SLC44A1: variants seen among roughly 807,000 people sequenced by gnomAD.
The protein encoded by SLC44A1 is solute carrier family 44 member 1.
SLC44A1 carries 26 observed loss-of-function variants against 79.3 expected under a neutral mutation model. The ratio of observed to expected loss-of-function variants is 0.33; its 90% CI spans 0.24 to 0.46. SLC44A1 has a LOEUF of 0.46. SLC44A1 is among the 20% of genes least tolerant of loss of function. SLC44A1 has a pLI of 1.00. For synonymous variants in SLC44A1, 263 were observed against 286.2 expected (o/e 0.92, Z 0.82); for missense variants, 688 against 798.1 (o/e 0.86, Z 1.66).
intron 1 of SLC44A1, among the ~76,000 whole-genome samples, chr9:105,257,164 T>C (rs1014620227): frequency 6.6e-6 from 1 of 151,782 alleles, no homozygotes; most frequent in Non-Finnish European, 1.5e-5. Context: ...TGGCATGATC[T>C]CAGCTCACTG....
In SLC44A1 at chr9:105,279,616, G is replaced by A. The variant is rs902940040; in HGVS notation, c.37-19604G>A. On this transcript the variant is annotated intron_variant, in intron 1 of 15. Transcript: ENST00000374720. ...CAGGCGTGAGCCACTGCGCCTGGCCGAGAAAACTGTATCTTTAATAAGATC... is the reference window on the plus strand; with the variant it reads ...CAGGCGTGAGCCACTGCGCCTGGCCAAGAAAACTGTATCTTTAATAAGATC... Among the ~76,000 whole-genome samples the A allele has an allele frequency of 1.2e-4, 19 of 152,006 alleles. 1 individual carries two copies. Among genetic ancestry groups the A allele is most frequent in the Non-Finnish European group, 2.2e-4 (15 of 67,996 alleles).
At position 105,396,389 on chromosome 9, in the gene SLC44A1, C is replaced by CA; in HGVS notation, c.*7339dup. On this transcript the variant is annotated 3_prime_UTR_variant, in exon 16 of 16. Transcript: ENST00000374720. ...GCATCAAGCAAAATGACAGGGGCTT[C>CA]AAAAAACAACCAAAGACAAAACCCT... 1.0e-6 allele frequency: 1 copy of CA among 985,346 alleles called. No homozygotes were observed. The highest frequency in any genetic ancestry group is 1.2e-6 in the Non-Finnish European group (1 of 829,908). 61.0% of individuals were successfully genotyped at this position (985,346 alleles called of 1,614,324 possible).
intron 15 of SLC44A1, chr9:105,386,382 T>C (rs572571303): frequency 1.0e-6 from 1 of 972,430 alleles, no homozygotes; most frequent in African/African-American, 1.8e-5. Flanking sequence ...CCTTAAATAA[T>C]TTTAAACAAT....
intron 15 of SLC44A1, among the ~76,000 whole-genome samples, chr9:105,420,245 A>G (rs1472289198): frequency 2.0e-5 from 3 of 152,206 alleles, no homozygotes; most frequent in Admixed American, 6.5e-5. Flanking sequence ...AAAGAGGCCA[A>G]ATGTCCTATT....
chr9:105,392,754 A>C lies in SLC44A1; in HGVS notation c.*3698A>C. 1 of 985,418 alleles carries C rather than the reference A, an allele frequency of 1.0e-6. No homozygotes were observed. The highest frequency in any genetic ancestry group is 4.7e-5 in the South Asian group (1 of 21,290). 61.0% of individuals were successfully genotyped at this position (985,418 alleles called of 1,614,324 possible). A position where few individuals can be genotyped will look rare whatever the true frequency, so the allele number is the denominator to read the frequency against. On this transcript the variant is annotated 3_prime_UTR_variant, in exon 16 of 16. Coordinates refer to ENST00000374720, the MANE Select transcript of SLC44A1 (RefSeq NM_080546.5). ...TAAGAGATCTCCTAGCCTGCAAGGT[A>C]GAATTCTGGGATCAGTTCCAAAACC...
Position 105,390,897 on chromosome 9 carries a change from G to C in SLC44A1, c.*1841G>C. The stretch of plus-strand genomic sequence containing the variant: ...TCCAGAAGTTAACATCTAATATCTA[G>C]TATCACCAAACAGTATCGCTGTTCT... On this transcript the variant is annotated 3_prime_UTR_variant, in exon 16 of 16. Coordinates refer to ENST00000374720, the MANE Select transcript of SLC44A1 (RefSeq NM_080546.5). The C allele has an allele frequency of 1.0e-6, 1 of 982,796 alleles. No individual in the cohort carries two copies. The highest frequency in any genetic ancestry group is 1.1e-4 in the East Asian group (1 of 8,804). The allele number at this position is 982,796 out of a possible 1,614,324, so 60.9% of individuals were successfully genotyped here.
chr9:105,302,674 T>TAAA (rs57862025), intron 2 of SLC44A1, among the ~76,000 whole-genome samples: 1 of 132,510 alleles, frequency 7.5e-6, no homozygotes, highest in Admixed American at 7.7e-5. Context: ...GGATCTTTTC[T>TAAA]AAAAAAAAAA....
Position 105,389,528 on chromosome 9 carries a change from C to T in SLC44A1, c.*472C>T. The T allele has an allele frequency of 9.4e-7, 1 of 1,063,370 alleles. No individual in the cohort carries two copies. The highest frequency in any genetic ancestry group is 4.3e-5 in the South Asian group (1 of 23,304). 65.9% of individuals were successfully genotyped at this position (1,063,370 alleles called of 1,614,324 possible). Reference sequence around the variant, plus strand: ...TAAGTCCTAGTGGGTCAAGACTAGGCATATGCTTTCAGATAAATAAGGAAT... The same window carrying T: ...TAAGTCCTAGTGGGTCAAGACTAGGTATATGCTTTCAGATAAATAAGGAAT... On this transcript the variant is annotated 3_prime_UTR_variant, in exon 16 of 16. Coordinates refer to ENST00000374720, the MANE Select transcript of SLC44A1 (RefSeq NM_080546.5).
At chr9:105,249,100 C>T (rs1422653684) in intron 1 of SLC44A1, among the ~76,000 whole-genome samples, 1 of 152,200 alleles carries the variant, frequency 6.6e-6, no homozygotes, top group East Asian at 1.9e-4. Context: ...TCCACTGTCT[C>T]ATCCCATTGT....
chr9:105,386,398 C>T, intron 15 of SLC44A1: 1 of 977,544 alleles, frequency 1.0e-6, no homozygotes, highest in Non-Finnish European at 1.2e-6. Flanking sequence ...ACAATGTGTC[C>T]CCTGACTGCA....
intron 15 of SLC44A1, among the ~76,000 whole-genome samples, chr9:105,416,657 C>T (rs760762813): frequency 9.9e-5 from 15 of 152,136 alleles, no homozygotes; most frequent in Non-Finnish European, 1.9e-4. Flanking sequence ...AAGCAGTAAC[C>T]TCCAAATAAT....
chr9:105,331,630 T>G (rs1372314002), intron 3 of SLC44A1, among the ~76,000 whole-genome samples: 1 of 152,228 alleles, frequency 6.6e-6, no homozygotes, highest in Non-Finnish European at 1.5e-5. Context: ...CCTATAAATA[T>G]TCAGTTAAAT....
At chr9:105,266,052 G>A (rs144747194) in intron 1 of SLC44A1, among the ~76,000 whole-genome samples, 5 of 152,060 alleles carry the variant, frequency 3.3e-5, no homozygotes, top group Non-Finnish European at 7.4e-5. Flanking sequence ...CAAACTCCTG[G>A]GCTCAAACAG....
intron 15 of SLC44A1, among the ~76,000 whole-genome samples, chr9:105,387,060 A>AAAAAAAAAAAAAAAATATATATATAT (rs34780893): frequency 2.6e-4 from 2 of 7,730 alleles, no homozygotes; most frequent in Non-Finnish European, 4.7e-4. Context: ...AAAAAAAAAA[A>AAAAAAAAAAAAAAAATATATATATAT]ATATATATAT....
At chr9:105,250,889 A>T (rs971341041) in intron 1 of SLC44A1, among the ~76,000 whole-genome samples, 1 of 152,068 alleles carries the variant, frequency 6.6e-6, no homozygotes, top group Non-Finnish European at 1.5e-5. Flanking sequence ...TTTCTGTTTT[A>T]TAAGTGCTTC....
At chr9:105,364,534 C>A (rs1827883011) in intron 9 of SLC44A1, 21 bp from the exon 10 acceptor site, 1 of 1,590,706 alleles carries the variant, frequency 6.3e-7, no homozygotes, top group East Asian at 2.2e-5. Context: ...CTTCTTCTTT[C>A]CTTCCTTGAT....
chr9:105,398,080 G>A (rs1386706809), downstream of SLC44A1, among the ~76,000 whole-genome samples: 2 of 152,224 alleles, frequency 1.3e-5, no homozygotes, highest in African/African-American at 4.8e-5. Flanking sequence ...AGTTTAGTGC[G>A]TTTGTGAAAC....
intron 5 of SLC44A1, among the ~76,000 whole-genome samples, chr9:105,351,551 A>G (rs1458693035): frequency 3.3e-4 from 13 of 39,072 alleles, no homozygotes; most frequent in African/African-American, 2.6e-4. Flanking sequence ...AAAGAAAGAA[A>G]GAAAGAGAGA....
At chr9:105,327,813 C>T (rs898916068) in intron 3 of SLC44A1, among the ~76,000 whole-genome samples, 5 of 152,146 alleles carry the variant, frequency 3.3e-5, no homozygotes, top group African/African-American at 9.7e-5. Context: ...TAATGGGGTA[C>T]GTTTGATGCC....
Sources: allele counts gnomAD v4.1 joint callset (sites outside exome capture counted in the v4.1 genomes callset), GRCh38; gene constraint gnomAD v4.1.1; transcripts MANE v1.5; gene names NCBI Gene and HGNC (gene_info 2026-07-23, HGNC 2026-07-21).